The following AASDHPPT variants were observed in gnomAD, a reference collection of about 807,000 sequenced individuals.
AASDHPPT encodes L-aminoadipate-semialdehyde dehydrogenase-phosphopantetheinyl transferase.
Under a neutral mutation model 36.4 loss-of-function variants are expected in AASDHPPT, and 23 were observed. The ratio of observed to expected loss-of-function variants is 0.63; its 90% CI spans 0.45 to 0.89. AASDHPPT has a LOEUF of 0.89. Ranked by LOEUF, AASDHPPT falls within the 40% of genes least tolerant of loss-of-function variation. The probability of loss-of-function intolerance (pLI) is 0.00; values close to 1 mark genes in which losing one functional copy is unlikely to be tolerated. For missense variants in AASDHPPT, 377 were observed against 378.2 expected, an observed-to-expected ratio of 1.00 and a Z score of 0.03; for synonymous variants, 115 against 128.0, an observed-to-expected ratio of 0.90 and a Z score of 0.68.
chr11:106,083,663 T>C (rs1861166938), intron 2 of AASDHPPT, among the ~76,000 whole-genome samples: 1 of 152,148 alleles, frequency 6.6e-6, no homozygotes, highest in African/African-American at 2.4e-5. Context: ...CCAGGATATA[T>C]ACATATTTCA....
In AASDHPPT at chr11:106,098,579, G is replaced by A. The variant is rs1389378459; in HGVS notation, c.*1672G>A. On this transcript the variant is annotated 3_prime_UTR_variant, in exon 6 of 6. Transcript: ENST00000278618. ...AGTTATGCCAAGCATAGTAAATAAA[G>A]GTCAAGTAGCATTTATAATAGAGGA... 1 of 151,508 alleles carries A rather than the reference G, an allele frequency of 6.6e-6. No individual in the cohort carries two copies. The highest frequency in any genetic ancestry group is 1.9e-4 in the East Asian group (1 of 5,190). The allele number at this position is 151,508 out of a possible 1,614,324, so 9.4% of individuals were successfully genotyped here. A position where few individuals can be genotyped will look rare whatever the true frequency, so the allele number is the denominator to read the frequency against.
At chr11:106,085,113 T>G (rs1457899317) in intron 2 of AASDHPPT, among the ~76,000 whole-genome samples, 3 of 151,138 alleles carry the variant, frequency 2.0e-5, no homozygotes, top group South Asian at 2.1e-4. Flanking sequence ...GGTTTGTTTG[T>G]TTTTTTTTGA....
At chr11:106,091,066 T>C (rs561058745) in intron 3 of AASDHPPT, among the ~76,000 whole-genome samples, 1 of 152,194 alleles carries the variant, frequency 6.6e-6, no homozygotes, top group East Asian at 1.9e-4. Flanking sequence ...AACATCCCTA[T>C]GAGGAAGGTA....
chr11:106,089,835 A>G (rs17393463), intron 2 of AASDHPPT, among the ~76,000 whole-genome samples: 17,240 of 151,982 alleles, frequency 0.11, 1,362 homozygotes, highest in Non-Finnish European at 0.17. Flanking sequence ...TTAGAATGCT[A>G]TGTAATATTT....
chr11:106,090,213 A>G (rs1591545151), intron 2 of AASDHPPT, among the ~76,000 whole-genome samples: 1 of 152,042 alleles, frequency 6.6e-6, no homozygotes, highest in Non-Finnish European at 1.5e-5. Flanking sequence ...TTTAAAATTT[A>G]TAACAGCTTT....
chr11:106,085,112 G>C (rs1023823664), intron 2 of AASDHPPT, among the ~76,000 whole-genome samples: 1 of 149,998 alleles, frequency 6.7e-6, no homozygotes, highest in African/African-American at 2.5e-5. Flanking sequence ...TGGTTTGTTT[G>C]TTTTTTTTTG....
At position 106,098,604 on chromosome 11, in the gene AASDHPPT, A is replaced by G. The variant is rs1182772410; in HGVS notation, c.*1697A>G. On this transcript the variant is annotated 3_prime_UTR_variant, in exon 6 of 6. Transcript: ENST00000278618. ...GGTCAAGTAGCATTTATAATAGAGG[A>G]AGTATTGTTATCCCTAGCATGAGTG... is the stretch of plus-strand genomic sequence containing the variant. 1 of 151,908 alleles carries G rather than the reference A, an allele frequency of 6.6e-6. No homozygotes were observed. Among genetic ancestry groups the G allele is most frequent in the Non-Finnish European group, 1.5e-5 (1 of 67,920 alleles). 9.4% of individuals were successfully genotyped at this position (151,908 alleles called of 1,614,324 possible). A position where few individuals can be genotyped will look rare whatever the true frequency, so the allele number is the denominator to read the frequency against.
At chr11:106,094,481 T>C (rs1175199698) in intron 4 of AASDHPPT, 102 bp from the exon 5 acceptor site, 62 of 797,900 alleles carry the variant, frequency 7.8e-5, no homozygotes, top group South Asian at 1.4e-4. Flanking sequence ...TATATGTATA[T>C]ATATATAGAG....
chr11:106,093,073 G>C (rs969689193), intron 4 of AASDHPPT: 1 of 152,176 alleles, frequency 6.6e-6, no homozygotes, highest in Admixed American at 6.6e-5. Context: ...TGGTATAAGA[G>C]AGTAGTGTTG....
Position 106,098,213 on chromosome 11 carries a change from A to G in AASDHPPT, c.*1306A>G, listed in dbSNP as rs1282168396. 6.6e-6 allele frequency: 1 copy of G among 152,148 alleles called. No homozygotes were observed. The highest frequency in any genetic ancestry group is 1.5e-5 in the Non-Finnish European group (1 of 68,000). 9.4% of individuals were successfully genotyped at this position (152,148 alleles called of 1,614,324 possible). A position where few individuals can be genotyped will look rare whatever the true frequency, so the allele number is the denominator to read the frequency against. On this transcript the variant is annotated 3_prime_UTR_variant, in exon 6 of 6. Transcript: ENST00000278618. ...TAAAATTTGTATTTCTTTCATTACA[A>G]ATAAGATTGTTATGTCAGTATTGTT...
intron 5 of AASDHPPT, among the ~76,000 whole-genome samples, chr11:106,095,508 G>T (rs866482635): frequency 1.3e-5 from 2 of 152,282 alleles, no homozygotes; most frequent in South Asian, 4.1e-4. Context: ...GCAAGTGGGG[G>T]AAGAACTTAG....
At chr11:106,094,718 T>C (rs1861295703) in intron 5 of AASDHPPT, 64 bp downstream of exon 5, 2 of 1,298,310 alleles carry the variant, frequency 1.5e-6, no homozygotes, top group African/African-American at 3.0e-5. Context: ...TGCTCTTTAT[T>C]GATGGAAATA....
intron 4 of AASDHPPT, chr11:106,093,952 A>G (rs1172102888): frequency 6.6e-6 from 1 of 151,400 alleles, no homozygotes; most frequent in Non-Finnish European, 1.5e-5. Flanking sequence ...ACTTTATTAT[A>G]CATACTAACA....
At chr11:106,088,776 T>A (rs922018047) in intron 2 of AASDHPPT, among the ~76,000 whole-genome samples, 1 of 151,976 alleles carries the variant, frequency 6.6e-6, no homozygotes, top group Non-Finnish European at 1.5e-5. Context: ...CCAAAAGGGG[T>A]AAGAATTTCT....
intron 5 of AASDHPPT, among the ~76,000 whole-genome samples, chr11:106,095,191 A>G (rs926213923): frequency 6.6e-6 from 1 of 152,180 alleles, no homozygotes; most frequent in Non-Finnish European, 1.5e-5. Context: ...AAAAAAAAAT[A>G]TGGTAGTACT....
In AASDHPPT at chr11:106,082,231, A is replaced by G. The variant is rs180789908; in HGVS notation, c.409+2539A>G. Among the ~76,000 whole-genome samples the G allele has an allele frequency of 1.4e-3, 208 of 152,176 alleles. 1 individual carries two copies. Among genetic ancestry groups the G allele is most frequent in the South Asian group, 6.9e-3 (33 of 4,816 alleles). ...CACAGAAAGGAAGAGAGATTTTCCA[A>G]TTGTCACTAGTGTTGTTACCATGCT... On this transcript the variant is annotated intron_variant, in intron 2 of 5. Coordinates refer to ENST00000278618, the MANE Select transcript of AASDHPPT (RefSeq NM_015423.3).
intron 2 of AASDHPPT, among the ~76,000 whole-genome samples, chr11:106,088,978 C>T (rs1052280962): frequency 2.0e-5 from 3 of 151,850 alleles, no homozygotes; most frequent in African/African-American, 4.8e-5. Context: ...ATGACAGAAC[C>T]GATTTTTAAT....
chr11:106,077,743 G>T lies in AASDHPPT; in HGVS notation c.33G>T (p.Val11=). Residue 11 remains valine (V), a synonymous_variant, in exon 1 of 6, where the codon GTG becomes GTT. Coordinates refer to ENST00000278618, the MANE Select transcript of AASDHPPT (RefSeq NM_015423.3). MVFPAKRFCL[V]PSMEGVRWAF... ...TCCCTGCCAAACGGTTCTGCTTGGT[G>T]CCATCCATGGAGGGCGTGCGCTGGG... The T allele has an allele frequency of 6.2e-7, 1 of 1,614,132 alleles. No individual in the cohort carries two copies. The highest frequency in any genetic ancestry group is 1.3e-5 in the African/African-American group (1 of 75,066).
intron 5 of AASDHPPT, chr11:106,095,658 T>G (rs762365819): frequency 6.6e-6 from 1 of 152,198 alleles, no homozygotes; most frequent in Non-Finnish European, 1.5e-5. Context: ...GATCAATATA[T>G]ATGCATCGTT....
Sources: gnomAD v4.1 joint callset for allele counts (sites outside exome capture counted in the v4.1 genomes callset) on GRCh38, gnomAD v4.1.1 for gene constraint, MANE v1.5 for transcripts, NCBI Gene and HGNC (gene_info 2026-07-23, HGNC 2026-07-21) for gene names.